RABGAP1: variants seen among roughly 807,000 people sequenced by gnomAD.
RABGAP1 encodes rab GTPase-activating protein 1.
A neutral mutation model predicts 137.6 loss-of-function variants in RABGAP1; 23 were observed. The ratio of observed to expected loss-of-function variants is 0.17; its 90% CI spans 0.12 to 0.24. RABGAP1 has a LOEUF of 0.24. Ranked by LOEUF, RABGAP1 falls within the 10% of genes least tolerant of loss-of-function variation. The pLI, the probability that RABGAP1 is intolerant of heterozygous loss-of-function variation, is 1.00. For missense variants in RABGAP1, 906 were observed against 1,275.8 expected (o/e 0.71, Z 4.42); for synonymous variants, 451 against 450.7 (o/e 1.00, Z -0.01).
rs1260951976 is a variant in RABGAP1 at position 123,103,414 on chromosome 9, C to T, written c.*201C>T. 4.5e-6 allele frequency: 3 copies of T among 666,562 alleles called. No homozygotes were observed. Among genetic ancestry groups the T allele is most frequent in the Non-Finnish European group, 7.1e-6 (3 of 424,972 alleles). The allele number at this position is 666,562 out of a possible 1,614,324, so 41.3% of individuals were successfully genotyped here. A position where few individuals can be genotyped will look rare whatever the true frequency, so the allele number is the denominator to read the frequency against. ...AAGACTACTGATACTAACAGGCCTG[C>T]TAGCTCAGCCGACGCTCTGGACACT... On this transcript the variant is annotated 3_prime_UTR_variant, in exon 26 of 26. Coordinates refer to ENST00000373647, the MANE Select transcript of RABGAP1 (RefSeq NM_012197.4).
intron 7 of RABGAP1, 186 bp from the exon 8 acceptor site, chr9:122,996,353 G>T: frequency 8.7e-7 from 1 of 1,155,410 alleles, no homozygotes; most frequent in Non-Finnish European, 1.2e-6. Flanking sequence ...CAACTATGTG[G>T]TAATAAAAGG....
chr9:123,011,734 C>A (rs2030826002), intron 11 of RABGAP1, among the ~76,000 whole-genome samples: 1 of 152,130 alleles, frequency 6.6e-6, no homozygotes, highest in Admixed American at 6.5e-5. Flanking sequence ...GTGGGAGGAT[C>A]ACTTGAAGTC....
chr9:123,034,709 T>C (rs2032517546), intron 13 of RABGAP1: 1 of 1,613,596 alleles, frequency 6.2e-7, no homozygotes, highest in Admixed American at 1.7e-5. Flanking sequence ...GGCAACATCA[T>C]TGTGATTTTT....
intron 6 of RABGAP1, among the ~76,000 whole-genome samples, chr9:122,994,000 C>T (rs1408036561): frequency 6.6e-6 from 1 of 152,136 alleles, no homozygotes. Context: ...CCATTCAAGA[C>T]ACTTCTTTTT....
chr9:122,996,507 T>C, intron 7 of RABGAP1, 32 bp from the exon 8 acceptor site: 1 of 1,561,022 alleles, frequency 6.4e-7, no homozygotes, highest in Non-Finnish European at 8.7e-7. Context: ...GTTATCTTTT[T>C]TCTTAAATTT....
At chr9:122,968,587 CTT>C (rs907636654) in intron 2 of RABGAP1, among the ~76,000 whole-genome samples, 3 of 151,912 alleles carry the variant, frequency 2.0e-5, no homozygotes, top group Admixed American at 2.0e-4. Context: ...CAGTTATACT[CTT>C]TTACTTTTAT....
At chr9:123,071,793 A>C (rs2034363983) in intron 15 of RABGAP1, among the ~76,000 whole-genome samples, 1 of 152,170 alleles carries the variant, frequency 6.6e-6, no homozygotes, top group East Asian at 1.9e-4. Context: ...GATCTATTTG[A>C]AAAGGGAGTA....
rs1238560381 is a variant in RABGAP1 at position 123,103,550 on chromosome 9, C to A, written c.*337C>A. 7.3e-6 allele frequency: 1 copy of A among 136,122 alleles called. No individual in the cohort carries two copies. The highest frequency in any genetic ancestry group is 1.5e-5 in the Non-Finnish European group (1 of 65,228). 8.4% of individuals were successfully genotyped at this position (136,122 alleles called of 1,614,324 possible). On this transcript the variant is annotated 3_prime_UTR_variant, in exon 26 of 26. Transcript: ENST00000373647. ...GATCAGAGTTAGGGGATCCTTCAGT[C>A]TGTTGATTTTTTTTCTAAACCTTTT...
In RABGAP1 at chr9:123,070,303, A is replaced by C; in HGVS notation, c.1909-47A>C. 1 of 1,612,246 alleles carries C rather than the reference A, an allele frequency of 6.2e-7. No homozygotes were observed. Among genetic ancestry groups the C allele is most frequent in the Non-Finnish European group, 8.5e-7 (1 of 1,179,176 alleles). On this transcript the variant is annotated intron_variant, in intron 14 of 25. Transcript: ENST00000373647. The surrounding 1 kb of genome is among the most constrained non-coding windows in gnomAD (Gnocchi z 4.4). Reference sequence around the variant, plus strand: ...GTCCTATAGTGCCACCATGGCCCACAAGTGGCTACATTCATTTACATTTCC... The same window carrying C: ...GTCCTATAGTGCCACCATGGCCCACCAGTGGCTACATTCATTTACATTTCC...
chr9:123,010,585 T>G, intron 11 of RABGAP1, 57 bp downstream of exon 11: 1 of 1,479,462 alleles, frequency 6.8e-7, no homozygotes, highest in Middle Eastern at 1.8e-4. Context: ...TGCAAACTAT[T>G]AAAATCGTAT....
rs1588309226 is a variant in RABGAP1, at chr9:123,035,742, T to C, written c.1794+15283T>C. 2.4e-5 allele frequency: 15 copies of C among 625,162 alleles called. No homozygotes were observed. The East Asian group carries it at 4.1e-4, about 17-fold the overall frequency. 38.7% of individuals were successfully genotyped at this position (625,162 alleles called of 1,614,324 possible). A position where few individuals can be genotyped will look rare whatever the true frequency, so the allele number is the denominator to read the frequency against. The stretch of plus-strand genomic sequence containing the variant: ...AATCTGGGACAGAATACTTTGACTC[T>C]AAACAATAGCATACAAATTATTCGT... On this transcript the variant is annotated intron_variant, in intron 13 of 25. Coordinates refer to ENST00000373647, the MANE Select transcript of RABGAP1 (RefSeq NM_012197.4).
intron 13 of RABGAP1, among the ~76,000 whole-genome samples, chr9:123,036,176 CTT>C (rs2032649825): frequency 6.6e-6 from 1 of 152,140 alleles, no homozygotes. Flanking sequence ...GTTTTATTCT[CTT>C]GAGAGAATTC....
intron 13 of RABGAP1, among the ~76,000 whole-genome samples, chr9:123,052,077 T>C (rs1391120158): frequency 6.6e-6 from 1 of 151,922 alleles, no homozygotes; most frequent in Non-Finnish European, 1.5e-5. Flanking sequence ...AGTACTGGGA[T>C]TACAGGCGTG....
At chr9:122,971,230 G>A (rs1007002713) in intron 2 of RABGAP1, among the ~76,000 whole-genome samples, 1 of 152,224 alleles carries the variant, frequency 6.6e-6, no homozygotes, top group Admixed American at 6.5e-5. Flanking sequence ...TTTGGAGGAG[G>A]GTCTTGCTGG....
At chr9:122,997,926 T>C (rs772330849) in intron 9 of RABGAP1, among the ~76,000 whole-genome samples, 2 of 152,180 alleles carry the variant, frequency 1.3e-5, no homozygotes, top group African/African-American at 4.8e-5. Context: ...TTAATAGCAC[T>C]ATAGATAAAT....
At chr9:123,010,630 T>C (rs769212507) in intron 11 of RABGAP1, 102 bp downstream of exon 11, 14 of 1,115,878 alleles carry the variant, frequency 1.3e-5, no homozygotes, top group Non-Finnish European at 1.8e-5. Context: ...CATTTATAAT[T>C]CATTTAATGA....
intron 25 of RABGAP1, 43 bp downstream of exon 25, chr9:123,101,806 T>G: frequency 1.2e-5 from 18 of 1,529,292 alleles, no homozygotes; most frequent in Non-Finnish European, 1.5e-5. Context: ...GGGCTGGGTT[T>G]CCTGATGTGC....
At chr9:123,020,547 T>C (rs1311624310) in intron 13 of RABGAP1, 88 bp downstream of exon 13, 2 of 1,227,174 alleles carry the variant, frequency 1.6e-6, no homozygotes, top group Non-Finnish European at 2.1e-6. Flanking sequence ...TTATAAGAAG[T>C]GTTTATTATT....
Position 123,015,577 on chromosome 9 carries a change from T to C in RABGAP1, c.1584T>C (p.Asp528=), listed in dbSNP as rs2131900698. 2 of 1,612,684 alleles carry C rather than the reference T, an allele frequency of 1.2e-6. No individual in the cohort carries two copies. Among genetic ancestry groups the C allele is most frequent in the Non-Finnish European group, 1.7e-6 (2 of 1,178,976 alleles). The part of the protein sequence containing the change: ...NDEPLLSGSG[D]VSKECAEKIL... Reference sequence around the variant, plus strand: ...AACCTCTCCTGAGTGGATCTGGTGATGTATCCAAAGAATGTGCAGAAAAAA... The same window carrying C: ...AACCTCTCCTGAGTGGATCTGGTGACGTATCCAAAGAATGTGCAGAAAAAA... The change falls in exon 12 of 26, where the codon GAT becomes GAC. Residue 528 remains aspartate, a synonymous_variant. Transcript: ENST00000373647.
Sources: gnomAD v4.1 joint callset for allele counts (sites outside exome capture counted in the v4.1 genomes callset) on GRCh38, gnomAD v4.1.1 for gene constraint, Gnocchi (gnomAD v3.1) non-coding constraint, MANE v1.5 for transcripts, NCBI Gene and HGNC (gene_info 2026-07-23, HGNC 2026-07-21) for gene names.